ANGPTL5: variants seen among roughly 807,000 people sequenced by gnomAD.
The protein encoded by ANGPTL5 is angiopoietin-related protein 5.
In ANGPTL5, 34 loss-of-function variants were observed where a neutral mutation model predicts 39.4. The observed-to-expected ratio is 0.86, with a 90% confidence interval of 0.66 to 1.15. The LOEUF (loss-of-function observed/expected upper bound fraction) is 1.15. ANGPTL5 is among the 50% of genes most tolerant of loss of function. The pLI is 0.00. For missense variants in ANGPTL5, 467 were observed against 457.5 expected, an observed-to-expected ratio of 1.02 and a Z score of -0.19; for synonymous variants, 146 against 152.1, an observed-to-expected ratio of 0.96 and a Z score of 0.29.
intron 3 of ANGPTL5, 97 bp downstream of exon 3, chr11:101,907,004 GAA>G (rs1483783702): frequency 5.3e-6 from 5 of 940,074 alleles, no homozygotes; most frequent in African/African-American, 1.7e-5. Context: ...AGGATGTATA[GAA>G]AATGACCCAG....
intron 3 of ANGPTL5, among the ~76,000 whole-genome samples, chr11:101,906,589 A>G (rs189322744): frequency 3.9e-5 from 6 of 152,244 alleles, no homozygotes; most frequent in African/African-American, 7.2e-5. Context: ...TTCACTACCT[A>G]TATTTCTCAG....
At chr11:101,915,491 C>A in intron 1 of ANGPTL5, 1 of 1,526,158 alleles carries the variant, frequency 6.6e-7, no homozygotes, top group Non-Finnish European at 8.9e-7. Flanking sequence ...ATTCCCATTA[C>A]CTTTGACGCA....
At chr11:101,908,994 TAA>T (rs926122646) in intron 1 of ANGPTL5, among the ~76,000 whole-genome samples, 26 of 152,150 alleles carry the variant, frequency 1.7e-4, no homozygotes, top group African/African-American at 5.8e-4. Context: ...CACACATGCC[TAA>T]GTCTTCATTA....
intron 3 of ANGPTL5, among the ~76,000 whole-genome samples, chr11:101,906,498 G>A (rs2137062100): frequency 6.6e-6 from 1 of 152,186 alleles, no homozygotes; most frequent in East Asian, 1.9e-4. Context: ...TTGCCATGAT[G>A]TACCGTCATG....
At chr11:101,912,113 C>T (rs1368935456) in intron 1 of ANGPTL5, among the ~76,000 whole-genome samples, 1 of 152,236 alleles carries the variant, frequency 6.6e-6, no homozygotes, top group Non-Finnish European at 1.5e-5. Flanking sequence ...ATATAAGCTT[C>T]ACGAACATAA....
chr11:101,914,601 C>T (rs1474811134), intron 1 of ANGPTL5, among the ~76,000 whole-genome samples: 2 of 152,158 alleles, frequency 1.3e-5, no homozygotes, highest in Non-Finnish European at 2.9e-5. Context: ...TTCACAAAGA[C>T]ATTTTAAAGA....
intron 6 of ANGPTL5, 133 bp from the exon 7 acceptor site, chr11:101,900,683 C>T (rs2137056420): frequency 1.2e-6 from 1 of 854,672 alleles, no homozygotes; most frequent in Non-Finnish European, 1.9e-6. Context: ...CAATCATATG[C>T]CATTAATTTA....
At chr11:101,894,801 C>T (rs1433335599) in intron 8 of ANGPTL5, 78 bp downstream of exon 8, 1 of 1,308,662 alleles carries the variant, frequency 7.6e-7, no homozygotes, top group Admixed American at 1.8e-5. Context: ...AAGACAAATG[C>T]ATTATTTTTA....
intron 4 of ANGPTL5, 93 bp from the exon 5 acceptor site, chr11:101,905,000 G>A: frequency 7.9e-6 from 7 of 890,926 alleles, no homozygotes; most frequent in South Asian, 7.0e-5. Flanking sequence ...ATACGTAATG[G>A]TGCCCATTTT....
At chr11:101,909,403 G>A (rs1940053661) in intron 1 of ANGPTL5, among the ~76,000 whole-genome samples, 1 of 152,180 alleles carries the variant, frequency 6.6e-6, no homozygotes, top group African/African-American at 2.4e-5. Context: ...GCTATAGCTT[G>A]ATTACCTCCT....
In ANGPTL5 at chr11:101,900,448, C is replaced by T. The variant is rs1212631602; in HGVS notation, c.643G>A (p.Gly215Arg). The change falls in exon 7 of 9, where the codon GGA becomes AGA. Residue 215 changes from glycine (G) to arginine (R), a missense_variant. By Grantham distance (125) the Gly-to-Arg change is moderately radical. Coordinates refer to ENST00000334289, the MANE Select transcript of ANGPTL5 (RefSeq NM_178127.5). ...AATTAACCTAGAAGATCTCCAAATC[C>T]ATCCAGATAATCACACCACAACCTC... The part of the protein sequence containing the change: ...FQRLWCDYLD[G>R]FGDLLGEFWL... 2 of 1,613,356 alleles carry T rather than the reference C, an allele frequency of 1.2e-6. No individual in the cohort carries two copies. Among genetic ancestry groups the T allele is most frequent in the Non-Finnish European group, 1.7e-6 (2 of 1,179,698 alleles).
chr11:101,895,109 GA>G, intron 7 of ANGPTL5, 45 bp from the exon 8 acceptor site: 1 of 1,353,304 alleles, frequency 7.4e-7, no homozygotes, highest in Non-Finnish European at 1.0e-6. Context: ...ATACAAATTA[GA>G]ATAATGGTTT....
intron 6 of ANGPTL5, among the ~76,000 whole-genome samples, chr11:101,901,034 TTTC>T (rs1400912544): frequency 4.7e-5 from 7 of 149,164 alleles, no homozygotes; most frequent in African/African-American, 1.2e-4. Flanking sequence ...TTTTTTTTTT[TTTC>T]TTTTGTATTT....
Position 101,898,182 on chromosome 11 carries a change from C to G in ANGPTL5, c.661+2248G>C, listed in dbSNP as rs565085315. Among the ~76,000 whole-genome samples, 17 of 152,186 alleles carry G rather than the reference C, an allele frequency of 1.1e-4. No homozygotes were observed. The East Asian group carries it at 3.3e-3, about 29-fold the overall frequency. ...AGGTTGCAGTGAGCCAAGATCACGC[C>G]ATTGCTCTCCAGCCTGGGCAACACG... On this transcript the variant is annotated intron_variant, in intron 7 of 8. Transcript: ENST00000334289.
rs767427306 is a variant in ANGPTL5, at chr11:101,895,060, T to A, written c.666A>T (p.Glu222Asp). The change falls in exon 8 of 9, where the codon GAA becomes GAT. Residue 222 changes from glutamate to aspartate, a missense_variant. Glu to Asp is a conservative substitution (Grantham distance 45). Coordinates refer to ENST00000334289, the MANE Select transcript of ANGPTL5 (RefSeq NM_178127.5). ...AAATCTTTTTCAGTCCTAGCCAAAA[T>A]TCTCCTGTAAAAAAAATGCTTTGTT... The part of the protein sequence containing the change: ...YLDGFGDLLG[E>D]FWLGLKKIFY... 8 of 1,574,834 alleles carry A rather than the reference T, an allele frequency of 5.1e-6. No homozygotes were observed. Among genetic ancestry groups the A allele is most frequent in the Non-Finnish European group, 6.9e-6 (8 of 1,153,176 alleles).
In ANGPTL5 at chr11:101,894,956, G is replaced by A; in HGVS notation, c.770C>T (p.Ala257Val). 6.2e-7 allele frequency: 1 copy of A among 1,612,572 alleles called. No individual in the cohort carries two copies. The highest frequency in any genetic ancestry group is 8.5e-7 in the Non-Finnish European group (1 of 1,178,794). Residue 257 changes from alanine (A) to valine (V), a missense_variant, in exon 8 of 9, where the codon GCA (alanine) becomes GTA (valine). Transcript: ENST00000334289. Reference sequence around the variant, plus strand: ...CTCTAGCCAAAAATTATCATATGATGCATAAGCAAGAGTGTCATCTTCAGA... The same window carrying A: ...CTCTAGCCAAAAATTATCATATGATACATAAGCAAGAGTGTCATCTTCAGA... Reference protein sequence around the residue: ...LESEDDTLAYASYDNFWLEDE... With the variant: ...LESEDDTLAYVSYDNFWLEDE...
intron 1 of ANGPTL5, among the ~76,000 whole-genome samples, chr11:101,912,854 TTAAAG>T (rs1940113829): frequency 6.6e-6 from 1 of 152,128 alleles, no homozygotes; most frequent in Non-Finnish European, 1.5e-5. Context: ...AGGATTAACG[TTAAAG>T]TAGAGATCAT....
intron 2 of ANGPTL5, 98 bp from the exon 3 acceptor site, chr11:101,907,345 A>G: frequency 1.3e-6 from 1 of 775,780 alleles, no homozygotes; most frequent in Non-Finnish European, 1.9e-6. Context: ...CTTAGATTTC[A>G]GGAAAGACAA....
chr11:101,898,532 A>G (rs1386339492), intron 7 of ANGPTL5, among the ~76,000 whole-genome samples: 1 of 152,178 alleles, frequency 6.6e-6, no homozygotes, highest in Non-Finnish European at 1.5e-5. Context: ...TATCAGTTTA[A>G]GGAACTTTGA....
Sources: gnomAD v4.1 joint callset for allele counts (sites outside exome capture counted in the v4.1 genomes callset) on GRCh38, gnomAD v4.1.1 for gene constraint, MANE v1.5 for transcripts, NCBI Gene and HGNC (gene_info 2026-07-23, HGNC 2026-07-21) for gene names.